SIX4: variants seen among roughly 807,000 people sequenced by gnomAD.
SIX4 encodes the protein SIX homeobox 4.
In SIX4, 23 loss-of-function variants were observed where a neutral mutation model predicts 51.5. The ratio of observed to expected loss-of-function variants is 0.45; its 90% CI spans 0.32 to 0.63. The LOEUF is 0.63. Ranked by LOEUF, SIX4 falls within the 30% of genes least tolerant of loss-of-function variation. The pLI, the probability that SIX4 is intolerant of heterozygous loss-of-function variation, is 0.04. For missense variants in SIX4, 867 were observed against 984.0 expected (o/e 0.88, Z 1.59); for synonymous variants, 413 against 417.3 (o/e 0.99, Z 0.13).
At chr14:60,721,286 G>A (rs1490542034) in intron 1 of SIX4, 3 of 402,326 alleles carry the variant, frequency 7.5e-6, no homozygotes, top group South Asian at 1.0e-4. Flanking sequence ...ATCGGGGTTG[G>A]GGGGTGGGTA....
chr14:60,713,374 T>C lies in SIX4; in HGVS notation c.*33A>G, dbSNP rs370263739. ...GGGGCTTCATGAAAAGATTTGCCGC[T>C]GATGCCAAAAAGAGGTGAGGAGGAA... On this transcript the variant is annotated 3_prime_UTR_variant, in exon 3 of 3. Transcript: ENST00000216513. 3.6e-5 allele frequency: 55 copies of C among 1,545,228 alleles called. No homozygotes were observed. The highest frequency in any genetic ancestry group is 4.7e-5 in the Non-Finnish European group (54 of 1,150,204).
At chr14:60,716,710 G>A (rs752303408) in intron 2 of SIX4, among the ~76,000 whole-genome samples, 1 of 152,146 alleles carries the variant, frequency 6.6e-6, no homozygotes, top group African/African-American at 2.4e-5. Context: ...TTTTGAGAGA[G>A]CAGCCCAATG....
chr14:60,716,141 T>G, intron 2 of SIX4, among the ~76,000 whole-genome samples: 1 of 150,154 alleles, frequency 6.7e-6, no homozygotes, highest in East Asian at 2.0e-4. Context: ...GCTGGGATTA[T>G]GTGAACGTGG....
At chr14:60,714,646 T>A (rs1895887131) in intron 2 of SIX4, among the ~76,000 whole-genome samples, 1 of 151,878 alleles carries the variant, frequency 6.6e-6, no homozygotes, top group African/African-American at 2.4e-5. Context: ...ATAGAACATG[T>A]CAAAGGTTCT....
rs1313087375 is a variant in SIX4, at chr14:60,717,974, T to C, written c.1549+1786A>G. ...CTGCAGTGAGCCGAGATCGCGCCAC[T>C]GTACTCCAGCCTGGGTGACAAAATG... On this transcript the variant is annotated intron_variant, in intron 2 of 2. Coordinates refer to ENST00000216513, the MANE Select transcript of SIX4 (RefSeq NM_017420.5). The surrounding 1 kb of genome is among the most constrained non-coding windows in gnomAD (Gnocchi z 4.6). The C allele has an allele frequency of 1.3e-5, 3 of 231,022 alleles. No homozygotes were observed. Among genetic ancestry groups the C allele is most frequent in the Non-Finnish European group, 2.6e-5 (3 of 116,968 alleles). The allele number at this position is 231,022 out of a possible 1,614,324, so 14.3% of individuals were successfully genotyped here.
At position 60,723,378 on chromosome 14, in the gene SIX4, TCTC is replaced by T. The variant is rs1896069638; in HGVS notation, c.694_696del (p.Glu232del). The T allele has an allele frequency of 6.2e-7, 1 of 1,611,684 alleles. No individual in the cohort carries two copies. Among genetic ancestry groups the T allele is most frequent in the African/African-American group, 1.3e-5 (1 of 74,842 alleles). ...AGCTCCTTGAGCGCGTTGCGCGACTTCTCCTTGAAACAATACACCGTCTCCTCG... is the reference window on the plus strand; with the variant it reads ...AGCTCCTTGAGCGCGTTGCGCGACTTCTTGAAACAATACACCGTCTCCTCG... On this transcript the variant is annotated inframe_deletion, in exon 1 of 3. Transcript: ENST00000216513.
In SIX4 at chr14:60,723,205, C is replaced by A. The variant is rs1274084863; in HGVS notation, c.863+7G>T. On this transcript the variant is annotated splice_region_variant and intron_variant, in intron 1 of 2. Transcript: ENST00000216513. ...GAAGGGGGAGGAGGAGGAAAGTTGG[C>A]GCTCACCTTTTGGACTGGGTCTCGG... 2.5e-6 allele frequency: 4 copies of A among 1,595,984 alleles called. No homozygotes were observed. Among genetic ancestry groups the A allele is most frequent in the Non-Finnish European group, 3.4e-6 (4 of 1,171,622 alleles).
intron 1 of SIX4, chr14:60,721,266 G>C: frequency 9.2e-5 from 26 of 281,880 alleles, no homozygotes; most frequent in South Asian, 1.4e-4. Flanking sequence ...TGACTTGGGA[G>C]AAATACCAAA....
Position 60,719,818 on chromosome 14 carries a change from A to T in SIX4, c.1491T>A (p.Asn497Lys), listed in dbSNP as rs746012903. 16 of 1,614,232 alleles carry T rather than the reference A, an allele frequency of 9.9e-6. No homozygotes were observed. The highest frequency in any genetic ancestry group is 1.2e-5 in the Non-Finnish European group (14 of 1,180,034). The change falls in exon 2 of 3, where the codon AAT (asparagine) becomes AAA (lysine). Residue 497 changes from asparagine (N) to lysine (K), a missense_variant. By Grantham distance (94) the Asn-to-Lys change is moderately conservative. Transcript: ENST00000216513. This position sits in a 1 kb window ranked among gnomAD's most constrained non-coding sequence, Gnocchi z 4.9. The stretch of plus-strand genomic sequence containing the variant: ...GCAGTGGAGAGAATCCAATGCTCCC[A>T]TTAAGGAACTGGCTGTTTGCTCCGG... ...PNSGANSQFL[N>K]GSIGFSPLQL... is the part of the protein sequence containing the mutation.
At position 60,709,856 on chromosome 14, in the gene SIX4, G is replaced by T. The variant is rs945276411; in HGVS notation, c.*3551C>A. ...GGTTGCCTCTAAACATACAGTACAT[G>T]CAACAAAATAATATTTTTGAGAACT... On this transcript the variant is annotated 3_prime_UTR_variant, in exon 3 of 3. Transcript: ENST00000216513. The surrounding 1 kb of genome is among the most constrained non-coding windows in gnomAD (Gnocchi z 4.1). The T allele has an allele frequency of 6.6e-6, 1 of 152,540 alleles. No individual in the cohort carries two copies. The highest frequency in any genetic ancestry group is 1.5e-5 in the Non-Finnish European group (1 of 68,028). The allele number at this position is 152,540 out of a possible 1,614,324, so 9.4% of individuals were successfully genotyped here.
At position 60,723,199 on chromosome 14, in the gene SIX4, A is replaced by G. The variant is rs974428415; in HGVS notation, c.863+13T>C. The G allele has an allele frequency of 6.3e-7, 1 of 1,590,846 alleles. No homozygotes were observed. The highest frequency in any genetic ancestry group is 8.6e-7 in the Non-Finnish European group (1 of 1,169,494). On this transcript the variant is annotated intron_variant, in intron 1 of 2. Coordinates refer to ENST00000216513, the MANE Select transcript of SIX4 (RefSeq NM_017420.5). ...GGAGAGGAAGGGGGAGGAGGAGGAA[A>G]GTTGGCGCTCACCTTTTGGACTGGG...
chr14:60,723,232 G>A lies in SIX4; in HGVS notation c.843C>T (p.Pro281=), dbSNP rs776932380. ...FKNRRQRDRN[P]SETQSKSESD... is the part of the protein sequence containing the mutation. ...CTCACCTTTTGGACTGGGTCTCGGA[G>A]GGGTTCCTGTCGCGCTGCCGGCGGT... The change falls in exon 1 of 3, where the codon CCC becomes CCT. Residue 281 remains proline, a synonymous_variant. Transcript: ENST00000216513. 1 of 1,612,622 alleles carries A rather than the reference G, an allele frequency of 6.2e-7. No individual in the cohort carries two copies. The highest frequency in any genetic ancestry group is 1.3e-5 in the African/African-American group (1 of 74,970).
At position 60,713,465 on chromosome 14, in the gene SIX4, T is replaced by C; in HGVS notation, c.2288A>G (p.Lys763Arg). The change falls in exon 3 of 3, where the codon AAA (lysine) becomes AGA (arginine). Residue 763 changes from lysine to arginine, a missense_variant. Coordinates refer to ENST00000216513, the MANE Select transcript of SIX4 (RefSeq NM_017420.5). ...DTVCEDLETD[K>R]KELAKLQTVQ... ...AGTCTGGAGCTTGGCAAGCTCTTTT[T>C]TGTCTGTTTCCAGGTCTTCACAGAC... is the stretch of plus-strand genomic sequence containing the variant. The C allele has an allele frequency of 6.2e-7, 1 of 1,614,026 alleles. No homozygotes were observed. The highest frequency in any genetic ancestry group is 8.5e-7 in the Non-Finnish European group (1 of 1,179,990).
Position 60,719,972 on chromosome 14 carries a change from C to T in SIX4, c.1337G>A (p.Gly446Asp), listed in dbSNP as rs750515774. Reference sequence around the variant, plus strand: ...TTTCACCTCAGTGCTGGGTATCAGGCCTGGGAATGAGACAGGGACACTGGG... The same window carrying T: ...TTTCACCTCAGTGCTGGGTATCAGGTCTGGGAATGAGACAGGGACACTGGG... The part of the protein sequence containing the change: ...YSPSVPVSFP[G>D]LIPSTEVKRE... The change falls in exon 2 of 3, where the codon GGC (glycine) becomes GAC (aspartate). Residue 446 changes from glycine to aspartate, a missense_variant. Coordinates refer to ENST00000216513, the MANE Select transcript of SIX4 (RefSeq NM_017420.5). This position sits in a 1 kb window ranked among gnomAD's most constrained non-coding sequence, Gnocchi z 4.9. The T allele has an allele frequency of 3.1e-6, 5 of 1,614,000 alleles. No individual in the cohort carries two copies. In the African/African-American group the frequency reaches 6.7e-5, roughly 22 times the overall value.
Position 60,714,213 on chromosome 14 carries a change from A to T in SIX4, c.1550-10T>A, listed in dbSNP as rs753280523. 5 of 1,557,954 alleles carry T rather than the reference A, an allele frequency of 3.2e-6. No homozygotes were observed. In the South Asian group the frequency reaches 6.1e-5, roughly 19 times the overall value. ...CTTACTGAGATATTACCTAAAAAAA[A>T]TAAAGTACTGATTATCACTGATGGA... is the stretch of plus-strand genomic sequence containing the variant. On this transcript the variant is annotated splice_polypyrimidine_tract_variant and intron_variant, in intron 2 of 2. Transcript: ENST00000216513.
In SIX4 at chr14:60,722,103, TC is replaced by T. The variant is rs1245040631; in HGVS notation, c.863+1108del. ...CTGGATCCCCGGCTCCCAGTTTGCT[TC>T]CCCGAGAAGAACCTTCGAGCTGCTT... On this transcript the variant is annotated intron_variant, in intron 1 of 2. Coordinates refer to ENST00000216513, the MANE Select transcript of SIX4 (RefSeq NM_017420.5). This position sits in a 1 kb window ranked among gnomAD's most constrained non-coding sequence, Gnocchi z 5.9. Among the ~76,000 whole-genome samples, 1 of 152,084 alleles carries T rather than the reference TC, an allele frequency of 6.6e-6. No individual in the cohort carries two copies. The highest frequency in any genetic ancestry group is 1.5e-5 in the Non-Finnish European group (1 of 67,996).
Position 60,720,007 on chromosome 14 carries a change from C to G in SIX4, c.1302G>C (p.Thr434=). ...LQSSANSATT[T]SYSPSVPVSF... ...AGACAGGGACACTGGGGCTGTAGGA[C>G]GTGGTGGTTGCTGAGTTAGCAGAAC... Residue 434 remains threonine, a synonymous_variant, in exon 2 of 3, where the codon ACG becomes ACC. Coordinates refer to ENST00000216513, the MANE Select transcript of SIX4 (RefSeq NM_017420.5). This position sits in a 1 kb window ranked among gnomAD's most constrained non-coding sequence, Gnocchi z 5.5. 1 of 1,614,142 alleles carries G rather than the reference C, an allele frequency of 6.2e-7. No individual in the cohort carries two copies.
rs1053999681 is a variant in SIX4 at position 60,709,840 on chromosome 14, T to C, written c.*3567A>G. ...TATTGAGTATATAATTGGTTGCCTCTAAACATACAGTACATGCAACAAAAT... is the reference window on the plus strand; with the variant it reads ...TATTGAGTATATAATTGGTTGCCTCCAAACATACAGTACATGCAACAAAAT... On this transcript the variant is annotated 3_prime_UTR_variant, in exon 3 of 3. Coordinates refer to ENST00000216513, the MANE Select transcript of SIX4 (RefSeq NM_017420.5). This position sits in a 1 kb window ranked among gnomAD's most constrained non-coding sequence, Gnocchi z 4.1. 3 of 152,644 alleles carry C rather than the reference T, an allele frequency of 2.0e-5. No homozygotes were observed. Among genetic ancestry groups the C allele is most frequent in the Non-Finnish European group, 4.4e-5 (3 of 68,040 alleles). The allele number at this position is 152,644 out of a possible 1,614,324, so 9.5% of individuals were successfully genotyped here. A position where few individuals can be genotyped will look rare whatever the true frequency, so the allele number is the denominator to read the frequency against.
rs1166536770 is a variant in SIX4 at position 60,709,755 on chromosome 14, C to T, written c.*3652G>A. On this transcript the variant is annotated 3_prime_UTR_variant, in exon 3 of 3. Transcript: ENST00000216513. The surrounding 1 kb of genome is among the most constrained non-coding windows in gnomAD (Gnocchi z 4.1). ...AACAGTGCAGTAAAGACTCTGTTAC[C>T]CCACCCCATGATATACATTCTGTAT... 6.6e-6 allele frequency: 1 copy of T among 152,546 alleles called. No homozygotes were observed. The highest frequency in any genetic ancestry group is 1.9e-4 in the East Asian group (1 of 5,196). The allele number at this position is 152,546 out of a possible 1,614,324, so 9.4% of individuals were successfully genotyped here.
Sources: allele counts gnomAD v4.1 joint callset (sites outside exome capture counted in the v4.1 genomes callset), GRCh38; gene constraint gnomAD v4.1.1; non-coding constraint Gnocchi (gnomAD v3.1); transcripts MANE v1.5; gene names NCBI Gene and HGNC (gene_info 2026-07-23, HGNC 2026-07-21).